CCNY: variants seen among roughly 807,000 people sequenced by gnomAD.
CCNY encodes cyclin Y.
Under a neutral mutation model 42.8 loss-of-function variants are expected in CCNY, and 19 were observed. That is an observed-to-expected ratio of 0.44 (90% CI 0.31 to 0.65). CCNY has a LOEUF of 0.65. Ranked by LOEUF, CCNY falls within the 30% of genes least tolerant of loss-of-function variation. The probability of loss-of-function intolerance (pLI) is 0.07; values close to 1 mark genes in which losing one functional copy is unlikely to be tolerated. For missense variants in CCNY, 370 were observed against 437.3 expected, an observed-to-expected ratio of 0.85 and a Z score of 1.37; for synonymous variants, 165 against 162.7, an observed-to-expected ratio of 1.01 and a Z score of -0.11.
At chr10:35,483,240 A>C (rs888208925) in intron 1 of CCNY, among the ~76,000 whole-genome samples, 164 bp from the exon 2 acceptor site, 2 of 152,246 alleles carry the variant, frequency 1.3e-5, no homozygotes, top group African/African-American at 2.4e-5. Flanking sequence ...TCTAAATAGC[A>C]GTGTTCTGAA....
At chr10:35,430,148 TA>T (rs1838354617) in intron 1 of CCNY, among the ~76,000 whole-genome samples, 1 of 151,242 alleles carries the variant, frequency 6.6e-6, no homozygotes, top group Non-Finnish European at 1.5e-5. Context: ...CCATCCCGGC[TA>T]AAACGGTGAA....
At chr10:35,514,480 C>T (rs1840388961) in intron 3 of CCNY, among the ~76,000 whole-genome samples, 1 of 152,156 alleles carries the variant, frequency 6.6e-6, no homozygotes, top group Non-Finnish European at 1.5e-5. Context: ...CCCTCTGAAC[C>T]TTAGGGATGG....
intron 1 of CCNY, among the ~76,000 whole-genome samples, chr10:35,348,275 G>A (rs1353348406): frequency 6.6e-6 from 1 of 152,238 alleles, no homozygotes; most frequent in East Asian, 1.9e-4. Flanking sequence ...TAAGTCTGAT[G>A]TCTGATTTGT....
At chr10:35,326,096 T>C (rs970330762) in intron 3 of CCNY, among the ~76,000 whole-genome samples, 1 of 152,012 alleles carries the variant, frequency 6.6e-6, no homozygotes, top group Non-Finnish European at 1.5e-5. Flanking sequence ...AAATAAACTT[T>C]ACTGAGATAC....
intron 3 of CCNY, among the ~76,000 whole-genome samples, chr10:35,297,650 T>C (rs897745314): frequency 3.3e-5 from 5 of 152,170 alleles, no homozygotes; most frequent in African/African-American, 9.7e-5. Flanking sequence ...AGTTTCAGGA[T>C]ACAAAATTAA....
At chr10:35,277,616 C>T (rs983940788) in intron 3 of CCNY, among the ~76,000 whole-genome samples, 3 of 152,228 alleles carry the variant, frequency 2.0e-5, no homozygotes, top group Admixed American at 1.3e-4. Context: ...TCTATGAATC[C>T]ATGGTGCTTA....
intron 1 of CCNY, among the ~76,000 whole-genome samples, chr10:35,384,494 A>G (rs7090730): frequency 0.28 from 42,326 of 152,164 alleles, 6,165 homozygotes; most frequent in East Asian, 0.35. Flanking sequence ...ACGTAGGAAC[A>G]AAAGGAAAGG....
At chr10:35,292,366 T>A (rs990666599) in intron 3 of CCNY, among the ~76,000 whole-genome samples, 4 of 152,222 alleles carry the variant, frequency 2.6e-5, no homozygotes, top group Admixed American at 6.5e-5. Flanking sequence ...TTAATTTTTT[T>A]ATTTTTATGT....
intron 1 of CCNY, among the ~76,000 whole-genome samples, chr10:35,396,135 T>C (rs926807472): frequency 3.3e-5 from 5 of 152,212 alleles, no homozygotes; most frequent in Non-Finnish European, 7.3e-5. Flanking sequence ...GTGCTTGATA[T>C]GTAGTGTGTG....
chr10:35,349,122 G>T (rs184255886), intron 1 of CCNY, among the ~76,000 whole-genome samples: 1 of 152,118 alleles, frequency 6.6e-6, no homozygotes, highest in Middle Eastern at 3.2e-3. Flanking sequence ...GGACTTGAGC[G>T]TGCTTGGGTT....
chr10:35,464,342 G>A (rs911170989), intron 1 of CCNY, among the ~76,000 whole-genome samples: 2 of 152,034 alleles, frequency 1.3e-5, no homozygotes, highest in African/African-American at 4.8e-5. Context: ...CCTTTCCCAC[G>A]TGGATGATGA....
intron 1 of CCNY, among the ~76,000 whole-genome samples, chr10:35,435,573 A>G (rs1465773277): frequency 1.3e-5 from 2 of 152,250 alleles, no homozygotes; most frequent in Non-Finnish European, 2.9e-5. Flanking sequence ...TGTACAATAC[A>G]ATGCTTAACC....
intron 1 of CCNY, among the ~76,000 whole-genome samples, chr10:35,456,880 A>C (rs897080059): frequency 6.6e-6 from 1 of 152,190 alleles, no homozygotes; most frequent in African/African-American, 2.4e-5. Flanking sequence ...GGCCTAGAAC[A>C]CCATTCACGG....
chr10:35,293,192 A>G (rs1320609199), intron 3 of CCNY, among the ~76,000 whole-genome samples: 3 of 152,186 alleles, frequency 2.0e-5, no homozygotes, highest in Non-Finnish European at 4.4e-5. Flanking sequence ...ATTTTTGTGC[A>G]TATGAATATC....
At chr10:35,560,406 T>TG (rs1841443321) in intron 8 of CCNY, among the ~76,000 whole-genome samples, 1 of 152,148 alleles carries the variant, frequency 6.6e-6, no homozygotes, top group Non-Finnish European at 1.5e-5. Flanking sequence ...TTCATTTGGG[T>TG]GGGTCCTAAC....
At chr10:35,357,494 A>G (rs1446881516) in intron 1 of CCNY, among the ~76,000 whole-genome samples, 1 of 152,258 alleles carries the variant, frequency 6.6e-6, no homozygotes, top group African/African-American at 2.4e-5. Context: ...TTTAAAGAGC[A>G]CTGGTCAGTT....
At chr10:35,498,843 C>G (rs1210892834) in intron 2 of CCNY, among the ~76,000 whole-genome samples, 1 of 152,206 alleles carries the variant, frequency 6.6e-6, no homozygotes, top group African/African-American at 2.4e-5. Flanking sequence ...GCACCTGATT[C>G]AGGCCCCAGG....
Position 35,400,659 on chromosome 10 carries a change from A to C in CCNY, c.154+63452A>C, listed in dbSNP as rs535314528. 4.6e-5 allele frequency among the ~76,000 whole-genome samples: 7 copies of C among 152,340 alleles called. No individual in the cohort carries two copies. The South Asian group carries it at 1.4e-3, about 32-fold the overall frequency. On this transcript the variant is annotated intron_variant, in intron 1 of 9. Coordinates refer to ENST00000374704, the MANE Select transcript of CCNY (RefSeq NM_145012.6). ...TAGATAATTAGGGGCAGGAATATTT[A>C]TTAATGGTGCAATATGTACTTAAAC...
intron 1 of CCNY, among the ~76,000 whole-genome samples, chr10:35,448,364 T>G (rs527725078): frequency 2.0e-5 from 3 of 152,172 alleles, no homozygotes; most frequent in Non-Finnish European, 4.4e-5. Flanking sequence ...GCTGCCTGAG[T>G]TGGAATGCGA....
Sources: allele counts gnomAD v4.1 joint callset (sites outside exome capture counted in the v4.1 genomes callset), GRCh38; gene constraint gnomAD v4.1.1; transcripts MANE v1.5; gene names NCBI Gene and HGNC (gene_info 2026-07-23, HGNC 2026-07-21).